Variants in TNFRSF8 observed in about 807,000 individuals in gnomAD.
TNFRSF8 encodes the protein TNF receptor superfamily member 8, also known as tumor necrosis factor receptor superfamily member 8.
Under a neutral mutation model 70.8 loss-of-function variants are expected in TNFRSF8, and 26 were observed. That is an observed-to-expected ratio of 0.37 (90% CI 0.27 to 0.51). The LOEUF (loss-of-function observed/expected upper bound fraction) is 0.51, where lower values mean the gene tolerates loss of function less well. Ranked by LOEUF, TNFRSF8 falls within the 20% of genes least tolerant of loss-of-function variation. The pLI is 0.94. For synonymous variants in TNFRSF8, 356 were observed against 339.2 expected, an observed-to-expected ratio of 1.05 and a Z score of -0.54; for missense variants, 720 against 807.9, an observed-to-expected ratio of 0.89 and a Z score of 1.32.
At chr1:12,128,115 C>T (rs1224902761) in intron 12 of TNFRSF8, among the ~76,000 whole-genome samples, 2 of 152,106 alleles carry the variant, frequency 1.3e-5, no homozygotes, top group East Asian at 3.8e-4. Flanking sequence ...AGGGAAGGAG[C>T]ACTGGTTTAT....
rs568398180 is a variant in TNFRSF8 at position 12,087,855 on chromosome 1, T to G, written c.151+3304T>G. Among the ~76,000 whole-genome samples, 17 of 152,198 alleles carry G rather than the reference T, an allele frequency of 1.1e-4. 1 individual carries two copies. In the South Asian group the frequency reaches 3.5e-3, roughly 32 times the overall value. ...GACTTAGGAAGAGGGGGCTCCCTCC[T>G]CCCCACTTCCCCTCTCTAAGGCCCA... On this transcript the variant is annotated intron_variant, in intron 2 of 14. Transcript: ENST00000263932.
In TNFRSF8 at chr1:12,111,910, C is replaced by T. The variant is rs777117501; in HGVS notation, c.689C>T (p.Thr230Ile). ...RPSSDPGLSPTQPCPEGSGDC... is the reference protein window; with the variant it reads ...RPSSDPGLSPIQPCPEGSGDC... ...CTTCTTTCCCCAGGTCTGTCCCCAA[C>T]ACAGCCATGCCCAGAGGGGTCTGGT... The change falls in exon 7 of 15, where the codon ACA becomes ATA. Residue 230 changes from threonine (T) to isoleucine (I), a missense_variant. Coordinates refer to ENST00000263932, the MANE Select transcript of TNFRSF8 (RefSeq NM_001243.5). 1 of 1,614,212 alleles carries T rather than the reference C, an allele frequency of 6.2e-7. No homozygotes were observed. The highest frequency in any genetic ancestry group is 1.1e-5 in the South Asian group (1 of 91,086).
intron 1 of TNFRSF8, among the ~76,000 whole-genome samples, chr1:12,083,557 C>T (rs1641101547): frequency 6.6e-6 from 1 of 152,134 alleles, no homozygotes; most frequent in South Asian, 2.1e-4. Context: ...CATGGTGGCA[C>T]ACACCTGTAG....
chr1:12,107,682 G>A (rs1482927495), intron 4 of TNFRSF8, among the ~76,000 whole-genome samples: 2 of 147,118 alleles, frequency 1.4e-5, no homozygotes, highest in East Asian at 4.0e-4. Flanking sequence ...TTTTAGAAGT[G>A]TTCTAATCTC....
intron 3 of TNFRSF8, among the ~76,000 whole-genome samples, chr1:12,103,662 C>T (rs9887760): frequency 0.25 from 37,571 of 151,632 alleles, 4,919 homozygotes; most frequent in South Asian, 0.38. Context: ...TTTGTAGAGA[C>T]GGGATTTCAC....
chr1:12,109,484 G>A lies in TNFRSF8; in HGVS notation c.422-82G>A. On this transcript the variant is annotated intron_variant, in intron 4 of 14. Transcript: ENST00000263932. This position sits in a 1 kb window ranked among gnomAD's most constrained non-coding sequence, Gnocchi z 4.4. ...TTCCAAGGGCCCCATCTCCGACTCT[G>A]GCCTGTGGTAGTGAAGGGTGTATTC... 3.4e-6 allele frequency: 4 copies of A among 1,180,068 alleles called. No homozygotes were observed. The highest frequency in any genetic ancestry group is 4.9e-6 in the Non-Finnish European group (4 of 812,638). 73.1% of individuals were successfully genotyped at this position (1,180,068 alleles called of 1,614,324 possible). A position where few individuals can be genotyped will look rare whatever the true frequency, so the allele number is the denominator to read the frequency against.
chr1:12,107,625 A>C (rs1641547951), intron 4 of TNFRSF8, among the ~76,000 whole-genome samples: 1 of 152,150 alleles, frequency 6.6e-6, no homozygotes, highest in Non-Finnish European at 1.5e-5. Flanking sequence ...CTCCCAGAAT[A>C]TTTGAGCTGG....
chr1:12,091,379 G>T (rs374075761), intron 2 of TNFRSF8, among the ~76,000 whole-genome samples: 1 of 152,190 alleles, frequency 6.6e-6, no homozygotes. Flanking sequence ...GCCTCTGGGA[G>T]CCAGTGCAGA....
chr1:12,138,485 G>A lies in TNFRSF8; in HGVS notation c.1543+49G>A. ...TCCCCTGCAGCCCAGGGGCAGATGGGAGATGAATACGGGGCCCTGGGCCCT... is the reference window on the plus strand; with the variant it reads ...TCCCCTGCAGCCCAGGGGCAGATGGAAGATGAATACGGGGCCCTGGGCCCT... On this transcript the variant is annotated intron_variant, in intron 14 of 14. Transcript: ENST00000263932. This position sits in a 1 kb window ranked among gnomAD's most constrained non-coding sequence, Gnocchi z 5.7. 3.2e-6 allele frequency: 5 copies of A among 1,552,638 alleles called. No homozygotes were observed. Among genetic ancestry groups the A allele is most frequent in the Non-Finnish European group, 4.4e-6 (5 of 1,142,620 alleles).
At chr1:12,085,376 C>T (rs1641137218) in intron 2 of TNFRSF8, among the ~76,000 whole-genome samples, 1 of 152,202 alleles carries the variant, frequency 6.6e-6, no homozygotes, top group Non-Finnish European at 1.5e-5. Context: ...TCCCAAAGTG[C>T]TGGGATTACA....
intron 12 of TNFRSF8, among the ~76,000 whole-genome samples, chr1:12,127,152 C>T (rs1286806752): frequency 6.6e-6 from 1 of 152,234 alleles, no homozygotes; most frequent in Non-Finnish European, 1.5e-5. Flanking sequence ...CCTTCTCTCT[C>T]CTGGGCAGCC....
intron 1 of TNFRSF8, among the ~76,000 whole-genome samples, chr1:12,083,810 A>G (rs1001625322): frequency 1.3e-5 from 2 of 152,262 alleles, no homozygotes; most frequent in Non-Finnish European, 2.9e-5. Context: ...TGATTCTCAC[A>G]ATATAATGCT....
rs1275089087 is a variant in TNFRSF8 at position 12,097,271 on chromosome 1, T to A, written c.268+54T>A. On this transcript the variant is annotated intron_variant, in intron 3 of 14. Transcript: ENST00000263932. ...TCCTTCTAGGGAGCATGAGGGGTCCTCAGAGGAGAGGTGAAGAATCTGGAA... is the reference window on the plus strand; with the variant it reads ...TCCTTCTAGGGAGCATGAGGGGTCCACAGAGGAGAGGTGAAGAATCTGGAA... 2.9e-5 allele frequency: 39 copies of A among 1,356,392 alleles called. No homozygotes were observed. In the East Asian group the frequency reaches 8.1e-4, roughly 28 times the overall value. The allele number at this position is 1,356,392 out of a possible 1,614,324, so 84.0% of individuals were successfully genotyped here. A position where few individuals can be genotyped will look rare whatever the true frequency, so the allele number is the denominator to read the frequency against.
Position 12,123,382 on chromosome 1 carries a change from C to G in TNFRSF8, c.1040+5C>G. On this transcript the variant is annotated splice_donor_5th_base_variant and intron_variant, in intron 9 of 14. Coordinates refer to ENST00000263932, the MANE Select transcript of TNFRSF8 (RefSeq NM_001243.5). ...GAATGGCGAGGCGCCTGCCAGGTGACTCCCCCACCCCTTCTCTCTGTTTGG... is the reference window on the plus strand; with the variant it reads ...GAATGGCGAGGCGCCTGCCAGGTGAGTCCCCCACCCCTTCTCTCTGTTTGG... 2.5e-6 allele frequency: 4 copies of G among 1,602,522 alleles called. No homozygotes were observed. The highest frequency in any genetic ancestry group is 2.6e-6 in the Non-Finnish European group (3 of 1,174,670).
At chr1:12,072,784 C>G (rs981076328) in intron 1 of TNFRSF8, among the ~76,000 whole-genome samples, 1 of 152,216 alleles carries the variant, frequency 6.6e-6, no homozygotes, top group Non-Finnish European at 1.5e-5. Context: ...ACACAGTTTA[C>G]TGAAATGGTT....
In TNFRSF8 at chr1:12,122,116, G is replaced by C. The variant is rs561319406; in HGVS notation, c.947-1168G>C. 9.9e-5 allele frequency among the ~76,000 whole-genome samples: 15 copies of C among 152,260 alleles called. No individual in the cohort carries two copies. The East Asian group carries it at 2.9e-3, about 29-fold the overall frequency. ...GGGAACCTTCTGGAGGGATGAGAATGTTCTGTATTTTGATTGGAGTTAGTT... is the reference window on the plus strand; with the variant it reads ...GGGAACCTTCTGGAGGGATGAGAATCTTCTGTATTTTGATTGGAGTTAGTT... On this transcript the variant is annotated intron_variant, in intron 8 of 14. Coordinates refer to ENST00000263932, the MANE Select transcript of TNFRSF8 (RefSeq NM_001243.5).
intron 1 of TNFRSF8, among the ~76,000 whole-genome samples, chr1:12,069,124 G>A (rs1461283701): frequency 1.4e-5 from 2 of 146,396 alleles, no homozygotes; most frequent in Non-Finnish European, 3.0e-5. Flanking sequence ...ACCCGCCTCG[G>A]CCTTTCAAAG....
In TNFRSF8 at chr1:12,135,118, G is replaced by A. The variant is rs528444984; in HGVS notation, c.1310-470G>A. Among the ~76,000 whole-genome samples the A allele has an allele frequency of 3.9e-5, 6 of 151,930 alleles. No individual in the cohort carries two copies. In the East Asian group the frequency reaches 5.8e-4, roughly 15 times the overall value. On this transcript the variant is annotated intron_variant, in intron 12 of 14. Transcript: ENST00000263932. ...GTCAGGAGGTCAGGAGTTTGAGACC[G>A]GCCTGGCCAACGTGGTGAAACCCCG...
chr1:12,086,300 C>T (rs1407274278), intron 2 of TNFRSF8, among the ~76,000 whole-genome samples: 1 of 152,222 alleles, frequency 6.6e-6, no homozygotes, highest in African/African-American at 2.4e-5. Flanking sequence ...GTATTTCCAA[C>T]AATGATTCAA....
Sources: allele counts gnomAD v4.1 joint callset (sites outside exome capture counted in the v4.1 genomes callset), GRCh38; gene constraint gnomAD v4.1.1; non-coding constraint Gnocchi (gnomAD v3.1); transcripts MANE v1.5; gene names NCBI Gene and HGNC (gene_info 2026-07-23, HGNC 2026-07-21).